The following BSN variants were observed in gnomAD, a reference collection of about 807,000 sequenced individuals.
BSN encodes protein bassoon.
In BSN, 57 loss-of-function variants were observed where a neutral mutation model predicts 264.8. That is an observed-to-expected ratio of 0.22 (90% CI 0.17 to 0.27). The LOEUF is 0.27. Ranked by LOEUF, BSN falls within the 10% of genes least tolerant of loss-of-function variation. The pLI is 1.00. For missense variants in BSN, 4,615 were observed against 5,232.5 expected (o/e 0.88, Z 3.64); for synonymous variants, 2,059 against 2,137.3 (o/e 0.96, Z 1.01).
rs576544250 is a variant in BSN at position 49,601,509 on chromosome 3, C to T, written c.225-23466C>T. Among the ~76,000 whole-genome samples the T allele has an allele frequency of 7.9e-5, 12 of 152,288 alleles. 1 individual carries two copies. The East Asian group carries it at 2.3e-3, about 29-fold the overall frequency. On this transcript the variant is annotated intron_variant, in intron 1 of 11. Transcript: ENST00000296452. ...TGAGGTTCGTCTTCTGAGTATAGCA[C>T]CTCCCTCCAGTGCCAGCTTGTGGCT...
chr3:49,653,844 T>G lies in BSN; in HGVS notation c.4288T>G (p.Ser1430Ala). 1 of 1,613,958 alleles carries G rather than the reference T, an allele frequency of 6.2e-7. No homozygotes were observed. The part of the protein sequence containing the change: ...GHSPTTANYG[S>A]QTEDLPQAPS... ...CAGCCCAACCACTGCAAACTATGGG[T>G]CCCAAACTGAGGATCTACCCCAGGC... is the stretch of plus-strand genomic sequence containing the variant. The change falls in exon 5 of 12, where the codon TCC becomes GCC. Residue 1430 changes from serine to alanine, a missense_variant. Transcript: ENST00000296452. This position sits in a 1 kb window ranked among gnomAD's most constrained non-coding sequence, Gnocchi z 6.3.
At chr3:49,557,149 T>A (rs2051679452) in intron 1 of BSN, among the ~76,000 whole-genome samples, 1 of 152,146 alleles carries the variant, frequency 6.6e-6, no homozygotes, top group Non-Finnish European at 1.5e-5. Flanking sequence ...GTCGGGATGA[T>A]GTGGAGCTTT....
chr3:49,616,427 G>A (rs2052259453), intron 1 of BSN, among the ~76,000 whole-genome samples: 1 of 152,204 alleles, frequency 6.6e-6, no homozygotes, highest in South Asian at 2.1e-4. Flanking sequence ...AGAAAGGTCA[G>A]CCATGAATTC....
In BSN at chr3:49,656,434, C is replaced by A; in HGVS notation, c.6878C>A (p.Ala2293Asp). ...GKPAAAKAPG[A>D]GGPSRPEMPV... ...CCTGCTGCTGCCAAGGCCCCTGGGG[C>A]TGGGGGCCCTTCAAGGCCAGAGATG... The change falls in exon 5 of 12, where the codon GCT becomes GAT. Residue 2293 changes from alanine to aspartate, a missense_variant. Physicochemically the swap from Ala to Asp is moderately radical, Grantham distance 126. This residue lies in a region of BSN where 3,415 missense variants were observed against 3,866.4 expected (regional missense o/e 0.88). Transcript: ENST00000296452. The A allele has an allele frequency of 6.3e-7, 1 of 1,592,188 alleles. No individual in the cohort carries two copies. Among genetic ancestry groups the A allele is most frequent in the Non-Finnish European group, 8.6e-7 (1 of 1,167,998 alleles).
chr3:49,575,847 G>C (rs2051842172), intron 1 of BSN, among the ~76,000 whole-genome samples: 1 of 151,532 alleles, frequency 6.6e-6, no homozygotes, highest in African/African-American at 2.4e-5. Context: ...CATATTTCTA[G>C]GATCTTTTTA....
In BSN at chr3:49,655,628, C is replaced by G; in HGVS notation, c.6072C>G (p.Ser2024Arg). ...MDLSSLKHSY[S>R]LGFADGRYLG... ...TCAGCTCACTGAAGCACTCCTACAGCCTGGGCTTTGCGGATGGACGCTACC... is the reference window on the plus strand; with the variant it reads ...TCAGCTCACTGAAGCACTCCTACAGGCTGGGCTTTGCGGATGGACGCTACC... Residue 2024 changes from serine to arginine, a missense_variant, in exon 5 of 12, where the codon AGC (serine) becomes AGG (arginine). Physicochemically the swap from Ser to Arg is moderately radical, Grantham distance 110. This residue lies in a region of BSN where 3,415 missense variants were observed against 3,866.4 expected (regional missense o/e 0.88). Transcript: ENST00000296452. 6.2e-7 allele frequency: 1 copy of G among 1,613,730 alleles called. No individual in the cohort carries two copies. The highest frequency in any genetic ancestry group is 8.5e-7 in the Non-Finnish European group (1 of 1,180,006).
At position 49,623,790 on chromosome 3, in the gene BSN, C is replaced by G. The variant is rs905381173; in HGVS notation, c.225-1185C>G. Among the ~76,000 whole-genome samples the G allele has an allele frequency of 2.0e-5, 3 of 152,234 alleles. No homozygotes were observed. The East Asian group carries it at 5.8e-4, about 29-fold the overall frequency. ...TAGGCATTGCAGTATCCCCCATCCCCAGCAATCTAGGGTCAGCCTCTGAAG... is the reference window on the plus strand; with the variant it reads ...TAGGCATTGCAGTATCCCCCATCCCGAGCAATCTAGGGTCAGCCTCTGAAG... On this transcript the variant is annotated intron_variant, in intron 1 of 11. Transcript: ENST00000296452.
chr3:49,605,925 TA>T (rs377640307), intron 1 of BSN, among the ~76,000 whole-genome samples: 1 of 60,280 alleles, frequency 1.7e-5, no homozygotes, highest in Non-Finnish European at 2.9e-5. Context: ...TAAATAGATA[TA>T]AAATCTATTT....
In BSN at chr3:49,669,065, C is replaced by T. The variant is rs192202663; in HGVS notation, c.*1580C>T. 6.6e-6 allele frequency: 1 copy of T among 152,174 alleles called. No individual in the cohort carries two copies. The highest frequency in any genetic ancestry group is 1.5e-5 in the Non-Finnish European group (1 of 67,974). The allele number at this position is 152,174 out of a possible 1,614,324, so 9.4% of individuals were successfully genotyped here. On this transcript the variant is annotated 3_prime_UTR_variant, in exon 12 of 12. Transcript: ENST00000296452. ...GACTCGCTGCTGCCAGGTGAGTCAC[C>T]GCCTGTCCTGCAGTGGAGCATGCAC... is the stretch of plus-strand genomic sequence containing the variant.
At chr3:49,665,836 G>A (rs2052709412) in intron 11 of BSN, among the ~76,000 whole-genome samples, 4 of 152,266 alleles carry the variant, frequency 2.6e-5, no homozygotes. Context: ...AAGGGACATA[G>A]AGGAAAGGGA....
At chr3:49,607,236 C>G (rs2052160703) in intron 1 of BSN, among the ~76,000 whole-genome samples, 1 of 152,176 alleles carries the variant, frequency 6.6e-6, no homozygotes, top group Non-Finnish European at 1.5e-5. Context: ...CCTGCCCACT[C>G]CACTTGTTGT....
In BSN at chr3:49,656,358, C is replaced by G. The variant is rs772240264; in HGVS notation, c.6802C>G (p.Pro2268Ala). 6.2e-7 allele frequency: 1 copy of G among 1,603,986 alleles called. No homozygotes were observed. Among genetic ancestry groups the G allele is most frequent in the Non-Finnish European group, 8.5e-7 (1 of 1,174,778 alleles). ...CCGCTATCCTGCACCAAGTAGATTTCCCATTGCTTCCAGTGTTCCACCTGC... is the reference window on the plus strand; with the variant it reads ...CCGCTATCCTGCACCAAGTAGATTTGCCATTGCTTCCAGTGTTCCACCTGC... Reference protein sequence around the residue: ...LYRYPAPSRFPIASSVPPAEG... With the variant: ...LYRYPAPSRFAIASSVPPAEG... Residue 2268 changes from proline to alanine, a missense_variant, in exon 5 of 12, where the codon CCC (proline) becomes GCC (alanine). Physicochemically the swap from Pro to Ala is conservative, Grantham distance 27. Around this residue, in one of 3 missense-constraint regions of BSN, gnomAD observed 3,415 missense variants for 3,866.4 expected, o/e 0.88. Coordinates refer to ENST00000296452, the MANE Select transcript of BSN (RefSeq NM_003458.4).
chr3:49,624,931 T>C (rs2108057740), intron 1 of BSN, 44 bp from the exon 2 acceptor site: 1 of 1,475,972 alleles, frequency 6.8e-7, no homozygotes, highest in East Asian at 2.5e-5. Context: ...GCAAGCTGCT[T>C]CTCTAAGCTG....
intron 1 of BSN, among the ~76,000 whole-genome samples, chr3:49,601,379 C>A (rs747048228): frequency 1.3e-5 from 2 of 152,180 alleles, no homozygotes; most frequent in African/African-American, 4.8e-5. Context: ...TACTTCTGGG[C>A]GTGACAGCAT....
intron 1 of BSN, among the ~76,000 whole-genome samples, chr3:49,610,584 C>CAAAAAAAAAAAAAAAAAAAA (rs60726552): frequency 1.4e-5 from 1 of 71,206 alleles, no homozygotes; most frequent in Non-Finnish European, 2.4e-5. Flanking sequence ...AATTTCATCT[C>CAAAAAAAAAAAAAAAAAAAA]AAAAAAAAAA....
intron 1 of BSN, among the ~76,000 whole-genome samples, chr3:49,617,184 G>A (rs148502691): frequency 0.011 from 1,736 of 151,824 alleles, 38 homozygotes; most frequent in African/African-American, 0.039. Flanking sequence ...GGGTTAATAG[G>A]TGTAGCAAAC....
chr3:49,562,178 A>G (rs1364752593), intron 1 of BSN, among the ~76,000 whole-genome samples: 1 of 152,044 alleles, frequency 6.6e-6, no homozygotes, highest in Non-Finnish European at 1.5e-5. Flanking sequence ...TCTACCTCCT[A>G]CTGTGTCACC....
In BSN at chr3:49,661,979, C is replaced by A. The variant is rs1005960893; in HGVS notation, c.10134C>A (p.Ala3378=). The A allele has an allele frequency of 1.9e-6, 3 of 1,613,950 alleles. No homozygotes were observed. In the Admixed American group the frequency reaches 5.0e-5, roughly 27 times the overall value. ...CCAAGTTCTCGCCTATTGAAGAGGC[C>A]AAAGACGTAGAGTCAGACCTGGCGT... ...KISKFSPIEE[A]KDVESDLASY... is the part of the protein sequence containing the mutation. Residue 3378 remains alanine (A), a synonymous_variant, in exon 6 of 12, where the codon GCC becomes GCA. Coordinates refer to ENST00000296452, the MANE Select transcript of BSN (RefSeq NM_003458.4).
Position 49,664,520 on chromosome 3 carries a change from C to G in BSN, c.11706C>G (p.Gly3902=), listed in dbSNP as rs758026358. 1.2e-6 allele frequency: 2 copies of G among 1,610,252 alleles called. No individual in the cohort carries two copies. Among genetic ancestry groups the G allele is most frequent in the Non-Finnish European group, 1.7e-6 (2 of 1,178,336 alleles). Residue 3902 remains glycine (G), a synonymous_variant, in exon 9 of 12, where the codon GGC becomes GGG. Coordinates refer to ENST00000296452, the MANE Select transcript of BSN (RefSeq NM_003458.4). ...GESVFSKILP[G]GAAEQAGKLT... ...GCGTGTTCTCCAAGATCCTCCCTGGCGGGGCAGCCGAGCAAGCTGGCAAAC... is the reference window on the plus strand; with the variant it reads ...GCGTGTTCTCCAAGATCCTCCCTGGGGGGGCAGCCGAGCAAGCTGGCAAAC...
Sources: allele counts gnomAD v4.1 joint callset (sites outside exome capture counted in the v4.1 genomes callset), GRCh38; gene constraint gnomAD v4.1.1; regional missense constraint gnomAD v4.1.1; non-coding constraint Gnocchi (gnomAD v3.1); transcripts MANE v1.5; gene names NCBI Gene and HGNC (gene_info 2026-07-23, HGNC 2026-07-21).